Variants in WWOX observed in about 807,000 individuals in gnomAD.
WWOX encodes WW domain-containing oxidoreductase.
WWOX carries 69 observed loss-of-function variants against 46.2 expected under a neutral mutation model. That is an observed-to-expected ratio of 1.49 (90% CI 1.23 to 1.82). WWOX has a LOEUF of 1.82. WWOX is among the 40% of genes most tolerant of loss of function. WWOX has a pLI of 0.00. For synonymous variants in WWOX, 359 were observed against 202.6 expected, an observed-to-expected ratio of 1.77 and a Z score of -6.56; for missense variants, 919 against 542.6, an observed-to-expected ratio of 1.69 and a Z score of -6.89.
At chr16:78,444,941 G>A (rs60730995) in intron 8 of WWOX, among the ~76,000 whole-genome samples, 2,808 of 152,264 alleles carry the variant, frequency 0.018, 88 homozygotes, top group African/African-American at 0.063. Context: ...TACTTGGAAT[G>A]ACTGGCCTAG....
chr16:78,738,552 T>C (rs766070102), intron 8 of WWOX, among the ~76,000 whole-genome samples: 1 of 152,106 alleles, frequency 6.6e-6, no homozygotes, highest in African/African-American at 2.4e-5. Flanking sequence ...TTTCTCACTT[T>C]TATTAGAAGA....
chr16:78,401,493 G>C (rs1011647197), intron 6 of WWOX, among the ~76,000 whole-genome samples: 1 of 152,090 alleles, frequency 6.6e-6, no homozygotes, highest in Non-Finnish European at 1.5e-5. Flanking sequence ...GAAACTCGCT[G>C]TATCTTGTAA....
intron 8 of WWOX, among the ~76,000 whole-genome samples, chr16:78,519,571 A>C (rs2043306425): frequency 6.6e-6 from 1 of 152,076 alleles, no homozygotes; most frequent in Non-Finnish European, 1.5e-5. Flanking sequence ...GAAAGTTTGC[A>C]TCCCCCCAAA....
chr16:79,102,273 G>A (rs2049216117), intron 8 of WWOX, among the ~76,000 whole-genome samples: 1 of 152,156 alleles, frequency 6.6e-6, no homozygotes, highest in Non-Finnish European at 1.5e-5. Flanking sequence ...TATTGGGTCA[G>A]CGTCTTGTGA....
In WWOX at chr16:78,987,259, T is replaced by A. The variant is rs192999058; in HGVS notation, c.1057-224349T>A. 9.1e-4 allele frequency among the ~76,000 whole-genome samples: 138 copies of A among 152,350 alleles called. 3 individuals are homozygous for A. The South Asian group carries it at 0.023, about 26-fold the overall frequency. ...GCTTATTAACTCAGTCCTGGCTTTA[T>A]TGATTGCTTTAGGTTCCATGATCTT... is the stretch of plus-strand genomic sequence containing the variant. On this transcript the variant is annotated intron_variant, in intron 8 of 8. Coordinates refer to ENST00000566780, the MANE Select transcript of WWOX (RefSeq NM_016373.4).
At chr16:79,195,081 T>G (rs2051211978) in intron 8 of WWOX, among the ~76,000 whole-genome samples, 1 of 152,046 alleles carries the variant, frequency 6.6e-6, no homozygotes, top group South Asian at 2.1e-4. Context: ...ATGGCTAAAG[T>G]GTGAGCATAC....
At chr16:78,567,935 G>C (rs113856814) in intron 8 of WWOX, among the ~76,000 whole-genome samples, 3,076 of 152,250 alleles carry the variant, frequency 0.02, 64 homozygotes, top group Middle Eastern at 0.048. Flanking sequence ...GCTCACCGGG[G>C]CTCTGCGAGG....
At chr16:79,104,035 T>C (rs2049255789) in intron 8 of WWOX, among the ~76,000 whole-genome samples, 2 of 5,482 alleles carry the variant, frequency 3.6e-4, no homozygotes, top group Non-Finnish European at 4.5e-4. Context: ...GGTGCCCTTT[T>C]TTGGGGGGGG....
chr16:78,541,698 T>G (rs2043900470), intron 8 of WWOX, among the ~76,000 whole-genome samples: 1 of 151,898 alleles, frequency 6.6e-6, no homozygotes, highest in Non-Finnish European at 1.5e-5. Flanking sequence ...GATTTAGCCT[T>G]TGTTCCCCTC....
chr16:78,777,487 C>G (rs191044536), intron 8 of WWOX, among the ~76,000 whole-genome samples: 4 of 152,240 alleles, frequency 2.6e-5, no homozygotes, highest in Admixed American at 6.5e-5. Flanking sequence ...ATTGCAAATA[C>G]AGACGTAGAA....
intron 5 of WWOX, chr16:78,355,622 A>T (rs1015102128): frequency 3.4e-6 from 2 of 583,248 alleles, no homozygotes; most frequent in Admixed American, 4.0e-5. Flanking sequence ...TTGTGTGAAA[A>T]TGAGAAACGA....
chr16:79,056,935 C>T (rs2048274065), intron 8 of WWOX, among the ~76,000 whole-genome samples: 1 of 152,124 alleles, frequency 6.6e-6, no homozygotes, highest in Admixed American at 6.6e-5. Flanking sequence ...AGTGTATAGT[C>T]GTGTGTTTAT....
intron 8 of WWOX, among the ~76,000 whole-genome samples, chr16:79,090,639 G>T (rs2048940923): frequency 2.0e-5 from 3 of 152,164 alleles, no homozygotes; most frequent in African/African-American, 2.4e-5. Flanking sequence ...CCTGTGGACA[G>T]ATTCCTGTCC....
chr16:78,472,580 G>A (rs550819710), intron 8 of WWOX, among the ~76,000 whole-genome samples: 9 of 152,002 alleles, frequency 5.9e-5, no homozygotes, highest in Non-Finnish European at 1.2e-4. Flanking sequence ...AGGCCAAGGC[G>A]GGTGGATCAC....
chr16:78,367,338 A>G (rs1046460731), intron 5 of WWOX, among the ~76,000 whole-genome samples: 4 of 152,182 alleles, frequency 2.6e-5, no homozygotes, highest in Non-Finnish European at 5.9e-5. Context: ...CTGTGGGCAC[A>G]TGTGGCCCAG....
intron 8 of WWOX, among the ~76,000 whole-genome samples, chr16:79,066,989 A>C (rs2048453528): frequency 6.6e-6 from 1 of 152,210 alleles, no homozygotes; most frequent in African/African-American, 2.4e-5. Context: ...TATCTCTGAA[A>C]GGGCATTCTG....
intron 8 of WWOX, among the ~76,000 whole-genome samples, chr16:78,757,633 AATG>A: frequency 6.6e-6 from 1 of 152,230 alleles, no homozygotes; most frequent in African/African-American, 2.4e-5. Context: ...TATTTATATG[AATG>A]AATACATTTT....
At chr16:78,970,890 A>G (rs1259735894) in intron 8 of WWOX, among the ~76,000 whole-genome samples, 2 of 151,942 alleles carry the variant, frequency 1.3e-5, no homozygotes, top group Non-Finnish European at 2.9e-5. Flanking sequence ...ATATAATCAG[A>G]TGATTTGTTT....
At chr16:78,793,377 T>C (rs1348472732) in intron 8 of WWOX, among the ~76,000 whole-genome samples, 11 of 152,184 alleles carry the variant, frequency 7.2e-5, no homozygotes, top group Admixed American at 7.2e-4. Context: ...TCTGTTTAAA[T>C]GCTCAAACTT....
Sources: gnomAD v4.1 joint callset for allele counts (sites outside exome capture counted in the v4.1 genomes callset) on GRCh38, gnomAD v4.1.1 for gene constraint, MANE v1.5 for transcripts, NCBI Gene and HGNC (gene_info 2026-07-23, HGNC 2026-07-21) for gene names.